LMF1: variants seen among roughly 807,000 people sequenced by gnomAD.
LMF1 encodes the protein lipase maturation factor 1, also known as transmembrane protein 112.
A neutral mutation model predicts 60.6 loss-of-function variants in LMF1; 68 were observed. That is an observed-to-expected ratio of 1.12 (90% CI 0.92 to 1.37). LMF1 has a LOEUF of 1.37. LMF1 is among the 40% of genes most tolerant of loss of function. LMF1 has a pLI of 0.00. For missense variants in LMF1, 948 were observed against 767.2 expected (o/e 1.24, Z -2.78); for synonymous variants, 418 against 324.7 (o/e 1.29, Z -3.09).
chr16:911,568 AGGCAGCACTGGGGGGGCAGCACTGGGGG>A (rs1287168785), intron 3 of LMF1, among the ~76,000 whole-genome samples: 1 of 22,536 alleles, frequency 4.4e-5, no homozygotes, highest in African/African-American at 2.2e-4. Flanking sequence ...CACTTGGGGG[AGGCAGCACTGGGGGGGCAGCACTGGGGG>A]GGCAGCACTG....
intron 1 of LMF1, chr16:976,406 G>A (rs1335856231): frequency 2.2e-6 from 1 of 454,136 alleles, no homozygotes; most frequent in Non-Finnish European, 4.4e-6. Context: ...CTGTACTGCA[G>A]GGTTAGGGAC....
chr16:893,438 G>A, intron 4 of LMF1: 4 of 459,640 alleles, frequency 8.7e-6, no homozygotes, highest in Non-Finnish European at 1.3e-5. Context: ...CAGTGTCAGA[G>A]GGAAGCTTCT....
chr16:876,793 T>C (rs1478825164), intron 6 of LMF1, among the ~76,000 whole-genome samples: 2 of 151,648 alleles, frequency 1.3e-5, no homozygotes, highest in African/African-American at 4.9e-5. Flanking sequence ...CTTCAGTAAG[T>C]TAACATGGCT....
intron 1 of LMF1, among the ~76,000 whole-genome samples, chr16:967,560 G>A (rs558491068): frequency 2.6e-5 from 4 of 152,276 alleles, no homozygotes; most frequent in African/African-American, 9.6e-5. Flanking sequence ...TGCTTAGGCC[G>A]GAAACTCCTG....
At chr16:864,865 C>T (rs1008372737) in intron 10 of LMF1, among the ~76,000 whole-genome samples, 4 of 152,098 alleles carry the variant, frequency 2.6e-5, no homozygotes, top group African/African-American at 4.8e-5. Context: ...TCAAGTGATA[C>T]ACCTGCCTCA....
At chr16:858,589 G>GC (rs1257431959) in intron 10 of LMF1, among the ~76,000 whole-genome samples, 119 of 33,416 alleles carry the variant, frequency 3.6e-3, no homozygotes, top group Middle Eastern at 0.015. Flanking sequence ...GGACGGGTGT[G>GC]AGTGGTGTCT....
At chr16:855,211 C>G in intron 10 of LMF1, 1 of 234,704 alleles carries the variant, frequency 4.3e-6, no homozygotes. Flanking sequence ...CAGGCCGGGA[C>G]CTGTTTCCTG....
intron 3 of LMF1, among the ~76,000 whole-genome samples, chr16:912,018 T>C (rs2071137956): frequency 1.3e-5 from 2 of 152,130 alleles, no homozygotes; most frequent in South Asian, 4.1e-4. Context: ...TGCTGGAAAC[T>C]GCCCACAGCT....
intron 4 of LMF1, chr16:901,251 C>T (rs928662135): frequency 8.5e-5 from 13 of 152,376 alleles, no homozygotes; most frequent in Non-Finnish European, 1.6e-4. Context: ...CCTCTGCACC[C>T]CAACACAGCC....
intron 2 of LMF1, among the ~76,000 whole-genome samples, chr16:939,050 A>G (rs1340219021): frequency 1.3e-5 from 2 of 152,220 alleles, no homozygotes; most frequent in African/African-American, 4.8e-5. Flanking sequence ...AGGGCCTCTT[A>G]CAGATGGATA....
intron 5 of LMF1, chr16:887,091 C>A (rs1263937443): frequency 6.6e-6 from 1 of 152,148 alleles, no homozygotes; most frequent in South Asian, 2.1e-4. Flanking sequence ...ATTATTTCCA[C>A]ATTAGCGGGC....
intron 8 of LMF1, among the ~76,000 whole-genome samples, 156 bp downstream of exon 8, chr16:870,573 G>C (rs1435654792): frequency 2.6e-5 from 4 of 152,208 alleles, no homozygotes; most frequent in African/African-American, 9.7e-5. Flanking sequence ...GCCCGGTAGT[G>C]GGGACAGCAC....
At chr16:904,101 G>C (rs1298106367) in intron 4 of LMF1, 20 of 159,580 alleles carry the variant, frequency 1.3e-4, no homozygotes, top group Non-Finnish European at 1.2e-5. Context: ...TCTGCTGTGT[G>C]GTGGTGACCT....
At chr16:914,399 C>T (rs374427725) in intron 3 of LMF1, among the ~76,000 whole-genome samples, 1 of 152,114 alleles carries the variant, frequency 6.6e-6, no homozygotes, top group Non-Finnish European at 1.5e-5. Flanking sequence ...GGACACAGAC[C>T]GGATGCTCAC....
intron 3 of LMF1, among the ~76,000 whole-genome samples, chr16:912,119 G>A (rs1596977588): frequency 6.6e-6 from 1 of 152,310 alleles, no homozygotes; most frequent in East Asian, 1.9e-4. Flanking sequence ...GGATGGGACA[G>A]AGGCCACCCG....
intron 8 of LMF1, among the ~76,000 whole-genome samples, chr16:870,277 C>A (rs531047788): frequency 2.6e-5 from 4 of 152,324 alleles, no homozygotes; most frequent in Non-Finnish European, 4.4e-5. Context: ...TTCGAGAACA[C>A]CTTCTCTGCC....
Position 899,139 on chromosome 16 carries a change from C to T in LMF1, c.664-6067G>A, listed in dbSNP as rs147944137. On this transcript the variant is annotated intron_variant, in intron 4 of 10. Transcript: ENST00000262301. ...GCTGTGCGGGGATCTGAGACACCCTCGCCCTGGAGGCTGATGCGCTTCAGC... is the reference window on the plus strand; with the variant it reads ...GCTGTGCGGGGATCTGAGACACCCTTGCCCTGGAGGCTGATGCGCTTCAGC... The T allele has an allele frequency of 9.7e-3, 1,471 of 152,364 alleles. 21 individuals are homozygous for T. The highest frequency in any genetic ancestry group is 0.012 in the Non-Finnish European group (844 of 68,072). The allele number at this position is 152,364 out of a possible 1,614,324, so 9.4% of individuals were successfully genotyped here.
chr16:887,225 C>T (rs1446062181), intron 5 of LMF1: 1 of 152,332 alleles, frequency 6.6e-6, no homozygotes, highest in East Asian at 1.9e-4. Flanking sequence ...GGTCCTGGGA[C>T]ACCAGGAGGA....
At position 897,648 on chromosome 16, in the gene LMF1, C is replaced by T. The variant is rs2070702003; in HGVS notation, c.664-4576G>A. ...TTGTTGCAACAGCCACTGCTTCTCC[C>T]CGAGTGCTCTGAGAGCTGGGGGTGG... On this transcript the variant is annotated intron_variant, in intron 4 of 10. Transcript: ENST00000262301. This position sits in a 1 kb window ranked among gnomAD's most constrained non-coding sequence, Gnocchi z 4.3. Among the ~76,000 whole-genome samples, 1 of 152,194 alleles carries T rather than the reference C, an allele frequency of 6.6e-6. No individual in the cohort carries two copies. The highest frequency in any genetic ancestry group is 1.5e-5 in the Non-Finnish European group (1 of 68,030).
Sources: allele counts gnomAD v4.1 joint callset (sites outside exome capture counted in the v4.1 genomes callset), GRCh38; gene constraint gnomAD v4.1.1; non-coding constraint Gnocchi (gnomAD v3.1); transcripts MANE v1.5; gene names NCBI Gene and HGNC (gene_info 2026-07-23, HGNC 2026-07-21).